RAD51B: variants seen among roughly 807,000 people sequenced by gnomAD.
RAD51B encodes DNA repair protein RAD51 homolog 2.
A neutral mutation model predicts 42.2 loss-of-function variants in RAD51B; 38 were observed. The ratio of observed to expected loss-of-function variants is 0.90; its 90% CI spans 0.70 to 1.18. RAD51B has a LOEUF of 1.18. Among genes scored for constraint, RAD51B ranks in the 50% most tolerant of loss-of-function variants. The pLI, the probability that RAD51B is intolerant of heterozygous loss-of-function variation, is 0.00. For missense variants in RAD51B, 373 were observed against 400.7 expected (o/e 0.93, Z 0.59); for synonymous variants, 154 against 145.2 (o/e 1.06, Z -0.43).
intron 7 of RAD51B, among the ~76,000 whole-genome samples, chr14:68,238,327 G>T (rs1231678862): frequency 6.6e-6 from 1 of 152,008 alleles, no homozygotes; most frequent in Non-Finnish European, 1.5e-5. Flanking sequence ...TTAAGATGAG[G>T]TCTTGCTCTG....
chr14:68,421,902 A>G, intron 9 of RAD51B: 1 of 1,584,878 alleles, frequency 6.3e-7, no homozygotes, highest in Non-Finnish European at 8.6e-7. Flanking sequence ...TGCCATGGAC[A>G]AGATGCCAGG....
chr14:67,897,103 A>G (rs2043447679), intron 7 of RAD51B, among the ~76,000 whole-genome samples: 1 of 152,214 alleles, frequency 6.6e-6, no homozygotes, highest in South Asian at 2.1e-4. Flanking sequence ...ATTCAAATGG[A>G]CTAAAGACTT....
chr14:68,533,778 C>A (rs547607391), intron 10 of RAD51B, among the ~76,000 whole-genome samples: 4 of 152,156 alleles, frequency 2.6e-5, no homozygotes, highest in Non-Finnish European at 5.9e-5. Flanking sequence ...TTGAGGACTG[C>A]AGTCATAGAT....
downstream of RAD51B, among the ~76,000 whole-genome samples, chr14:68,479,461 A>C (rs1882988136): frequency 6.6e-6 from 1 of 152,128 alleles, no homozygotes; most frequent in Non-Finnish European, 1.5e-5. Context: ...ACCCAGAGGA[A>C]AGGAATGTCC....
At chr14:68,615,917 A>G (rs967093117), downstream of RAD51B, among the ~76,000 whole-genome samples, 2 of 152,138 alleles carry the variant, frequency 1.3e-5, no homozygotes, top group Non-Finnish European at 2.9e-5. Context: ...TACATGTAAC[A>G]TACATGTTTG....
chr14:68,386,600 ACTGT>A (rs2083599836), intron 8 of RAD51B, among the ~76,000 whole-genome samples: 1 of 152,138 alleles, frequency 6.6e-6, no homozygotes, highest in South Asian at 2.1e-4. Flanking sequence ...GTTCTTTCTG[ACTGT>A]CTCTGCCCTG....
intron 4 of RAD51B, among the ~76,000 whole-genome samples, chr14:67,862,117 G>C (rs1321295276): frequency 1.3e-5 from 2 of 152,006 alleles, no homozygotes; most frequent in African/African-American, 2.4e-5. Context: ...CAAATTGCTA[G>C]AAGAGTAGAT....
chr14:68,069,469 G>A (rs2076707059), intron 7 of RAD51B: 1 of 152,114 alleles, frequency 6.6e-6, no homozygotes, highest in Non-Finnish European at 1.5e-5. Context: ...CCCAGTGTCT[G>A]TTGTTCCCGT....
chr14:68,420,137 A>G (rs1173737950), intron 9 of RAD51B, among the ~76,000 whole-genome samples: 1 of 152,216 alleles, frequency 6.6e-6, no homozygotes, highest in Non-Finnish European at 1.5e-5. Flanking sequence ...ATATTCAGTG[A>G]TAGCATCAAT....
Position 67,960,997 on chromosome 14 carries a change from C to T in RAD51B, c.756+73793C>T, listed in dbSNP as rs187147005. On this transcript the variant is annotated intron_variant, in intron 7 of 10. Transcript: ENST00000471583. ...AGAATTTCCTAAGTTATTATTTGTT[C>T]GTTTGTTCATTCATTCATTCATTTA... 8.8e-3 allele frequency among the ~76,000 whole-genome samples: 1,319 copies of T among 149,278 alleles called. 13 individuals carry two copies. Among genetic ancestry groups the T allele is most frequent in the Non-Finnish European group, 0.012 (775 of 66,200 alleles).
intron 8 of RAD51B, among the ~76,000 whole-genome samples, chr14:68,349,093 A>G (rs2082731274): frequency 6.6e-6 from 1 of 152,226 alleles, no homozygotes; most frequent in African/African-American, 2.4e-5. Flanking sequence ...ATGAACACTG[A>G]AATTTGAAAT....
intron 10 of RAD51B, among the ~76,000 whole-genome samples, chr14:68,578,311 T>A (rs1216575793): frequency 1.3e-5 from 2 of 152,082 alleles, no homozygotes; most frequent in East Asian, 3.9e-4. Flanking sequence ...CTCGGGAGGC[T>A]GAGGCAAGAG....
intron 5 of RAD51B, among the ~76,000 whole-genome samples, chr14:67,867,174 G>A (rs1426628176): frequency 1.3e-5 from 2 of 152,142 alleles, no homozygotes; most frequent in African/African-American, 2.4e-5. Flanking sequence ...AATGGAACTG[G>A]CCCTGTAGTG....
chr14:68,602,522 C>CTAGCTAGA (rs1555430724), intron 10 of RAD51B, among the ~76,000 whole-genome samples: 1 of 129,778 alleles, frequency 7.7e-6, no homozygotes, highest in Non-Finnish European at 1.7e-5. Context: ...AGATAGCTAG[C>CTAGCTAGA]TAGATAGATA....
chr14:68,264,389 A>G (rs1056562814), intron 7 of RAD51B, among the ~76,000 whole-genome samples: 2 of 152,234 alleles, frequency 1.3e-5, no homozygotes, highest in African/African-American at 2.4e-5. Context: ...ACGGTATCCA[A>G]GGTTTATAGG....
chr14:68,052,760 A>G (rs2076414132), intron 7 of RAD51B, among the ~76,000 whole-genome samples: 1 of 149,622 alleles, frequency 6.7e-6, no homozygotes, highest in Non-Finnish European at 1.5e-5. Context: ...AGCTGGGACT[A>G]TGGGTGTGTG....
At chr14:68,351,171 A>G (rs1288202573) in intron 8 of RAD51B, among the ~76,000 whole-genome samples, 1 of 152,214 alleles carries the variant, frequency 6.6e-6, no homozygotes, top group African/African-American at 2.4e-5. Context: ...ACCAGACTCA[A>G]AGAATGCTAG....
chr14:68,560,708 GC>G (rs1217676551), intron 10 of RAD51B, among the ~76,000 whole-genome samples: 2 of 152,060 alleles, frequency 1.3e-5, no homozygotes, highest in African/African-American at 4.8e-5. Flanking sequence ...TGCACTCCAG[GC>G]TGGGTGACAA....
At chr14:68,178,284 A>G (rs888451260) in intron 7 of RAD51B, among the ~76,000 whole-genome samples, 2 of 152,178 alleles carry the variant, frequency 1.3e-5, no homozygotes, top group Non-Finnish European at 2.9e-5. Flanking sequence ...TTCTTTCTGA[A>G]GCTATAGGAA....
Sources: gnomAD v4.1 joint callset for allele counts (sites outside exome capture counted in the v4.1 genomes callset) on GRCh38, gnomAD v4.1.1 for gene constraint, MANE v1.5 for transcripts, NCBI Gene and HGNC (gene_info 2026-07-23, HGNC 2026-07-21) for gene names.